TTBK2: variants seen among roughly 807,000 people sequenced by gnomAD.
TTBK2 encodes the protein tau-tubulin kinase 2.
In TTBK2, 28 loss-of-function variants were observed where a neutral mutation model predicts 110.8. The ratio of observed to expected loss-of-function variants is 0.25; its 90% CI spans 0.19 to 0.35. TTBK2 has a LOEUF of 0.35. Ranked by LOEUF, TTBK2 falls within the 10% of genes least tolerant of loss-of-function variation. TTBK2 has a pLI of 1.00. For missense variants in TTBK2, 1,369 were observed against 1,500.3 expected (o/e 0.91, Z 1.45); for synonymous variants, 532 against 527.3 (o/e 1.01, Z -0.12).
chr15:42,906,651 C>T lies in TTBK2; in HGVS notation c.-68+13787G>A, dbSNP rs1283388017. 2.0e-5 allele frequency among the ~76,000 whole-genome samples: 3 copies of T among 152,222 alleles called. No homozygotes were observed. The East Asian group carries it at 5.8e-4, about 29-fold the overall frequency. ...TTTCTTGTGTAAAATCTCAAAAGCA[C>T]AGGCAACCAAGGCAAAAATAGATAA... On this transcript the variant is annotated intron_variant, in intron 1 of 14. Coordinates refer to ENST00000267890, the MANE Select transcript of TTBK2 (RefSeq NM_173500.4).
At chr15:42,896,882 A>G (rs1895688101) in intron 1 of TTBK2, among the ~76,000 whole-genome samples, 1 of 151,842 alleles carries the variant, frequency 6.6e-6, no homozygotes, top group South Asian at 2.1e-4. Context: ...TTTCAGTTTT[A>G]GATTTTTTTT....
At chr15:42,788,244 C>A (rs1362111675) in intron 10 of TTBK2, among the ~76,000 whole-genome samples, 2 of 152,092 alleles carry the variant, frequency 1.3e-5, no homozygotes, top group Admixed American at 1.3e-4. Flanking sequence ...AGTTTTCTTG[C>A]AGTGTGATCA....
chr15:42,829,568 G>GTGCAGTGGCTGCAGT (rs1273483604), intron 5 of TTBK2, among the ~76,000 whole-genome samples: 2 of 152,176 alleles, frequency 1.3e-5, no homozygotes, highest in Non-Finnish European at 2.9e-5. Context: ...ATGCTGCCCA[G>GTGCAGTGGCTGCAGT]GCTGGAGTGC....
intron 4 of TTBK2, among the ~76,000 whole-genome samples, chr15:42,836,984 A>T (rs1306781144): frequency 6.6e-6 from 1 of 152,200 alleles, no homozygotes; most frequent in African/African-American, 2.4e-5. Flanking sequence ...ATAAATCCAG[A>T]TGAAAACTAT....
Position 42,794,833 on chromosome 15 carries a change from G to A in TTBK2, c.823-32C>T, listed in dbSNP as rs559078845. ...CACAAAGAAAAAAACTAGAGTAAGT[G>A]AACAGTAAACATAGTCACTTTATTC... On this transcript the variant is annotated intron_variant, in intron 9 of 14. Transcript: ENST00000267890. The A allele has an allele frequency of 3.8e-5, 61 of 1,612,156 alleles. No homozygotes were observed. In the South Asian group the frequency reaches 6.5e-4, roughly 17 times the overall value.
chr15:42,880,521 G>C (rs915932708), intron 1 of TTBK2, among the ~76,000 whole-genome samples: 2 of 152,068 alleles, frequency 1.3e-5, no homozygotes, highest in African/African-American at 4.8e-5. Context: ...CAAGGAGCTG[G>C]GACTACAGGC....
intron 13 of TTBK2, among the ~76,000 whole-genome samples, chr15:42,757,488 G>C (rs1042052910): frequency 1.3e-5 from 2 of 152,170 alleles, no homozygotes; most frequent in Non-Finnish European, 2.9e-5. Context: ...TCAGGATTTT[G>C]AAAGTTGTGC....
At chr15:42,915,988 G>A (rs1325553746) in intron 1 of TTBK2, among the ~76,000 whole-genome samples, 1 of 152,036 alleles carries the variant, frequency 6.6e-6, no homozygotes, top group Admixed American at 6.6e-5. Context: ...AGATCCAGGA[G>A]AAATAGGGAG....
intron 1 of TTBK2, among the ~76,000 whole-genome samples, chr15:42,885,956 T>A (rs554159850): frequency 4.9e-4 from 75 of 152,280 alleles, no homozygotes; most frequent in African/African-American, 1.7e-3. Flanking sequence ...CACTTTTGAT[T>A]TGTCTATCCT....
chr15:42,913,847 C>T (rs2030930558), intron 1 of TTBK2, among the ~76,000 whole-genome samples: 2 of 152,122 alleles, frequency 1.3e-5, no homozygotes, highest in South Asian at 2.1e-4. Context: ...AATCATTCCT[C>T]GGGTAAAATC....
At chr15:42,795,018 G>A (rs985515080) in intron 9 of TTBK2, among the ~76,000 whole-genome samples, 2 of 152,122 alleles carry the variant, frequency 1.3e-5, no homozygotes, top group African/African-American at 4.8e-5. Flanking sequence ...TTCTGTTTTC[G>A]AGGGATACAT....
intron 13 of TTBK2, among the ~76,000 whole-genome samples, chr15:42,763,157 C>CATATATATATATATATATACAT (rs1567008796): frequency 6.4e-4 from 13 of 20,472 alleles, no homozygotes; most frequent in Non-Finnish European, 9.4e-4. Context: ...TATATATATA[C>CATATATATATATATATATACAT]ATATATATAT....
intron 10 of TTBK2, among the ~76,000 whole-genome samples, chr15:42,786,381 T>A (rs1053745624): frequency 2.0e-5 from 3 of 152,212 alleles, no homozygotes; most frequent in Non-Finnish European, 2.9e-5. Context: ...TACATGGTAA[T>A]CCAAATGTTT....
At chr15:42,769,563 C>T (rs1455243186) in intron 13 of TTBK2, among the ~76,000 whole-genome samples, 2 of 152,134 alleles carry the variant, frequency 1.3e-5, no homozygotes, top group Non-Finnish European at 1.5e-5. Context: ...AGTGAGATAC[C>T]ATCTCACACC....
chr15:42,747,749 G>C (rs2061815165), intron 14 of TTBK2, among the ~76,000 whole-genome samples: 1 of 152,096 alleles, frequency 6.6e-6, no homozygotes. Flanking sequence ...AAGGACCCTA[G>C]GGCCCCTCTA....
At chr15:42,819,240 G>A (rs963693584) in intron 6 of TTBK2, among the ~76,000 whole-genome samples, 2 of 151,252 alleles carry the variant, frequency 1.3e-5, no homozygotes, top group Admixed American at 6.6e-5. Context: ...AGGCTGAGGC[G>A]GGCAGATCAC....
chr15:42,808,091 C>T (rs1434358009), intron 9 of TTBK2, among the ~76,000 whole-genome samples: 1 of 152,098 alleles, frequency 6.6e-6, no homozygotes, highest in African/African-American at 2.4e-5. Flanking sequence ...GATGTAATTT[C>T]CCAAAATAAT....
At chr15:42,816,631 AAGC>A (rs1359354434) in intron 7 of TTBK2, among the ~76,000 whole-genome samples, 2 of 152,062 alleles carry the variant, frequency 1.3e-5, no homozygotes, top group African/African-American at 4.8e-5. Flanking sequence ...CTCAACTCTC[AAGC>A]ACTTTCCACA....
At chr15:42,749,356 G>A (rs2061835583) in intron 14 of TTBK2, among the ~76,000 whole-genome samples, 1 of 152,236 alleles carries the variant, frequency 6.6e-6, no homozygotes, top group African/African-American at 2.4e-5. Flanking sequence ...GAAATCTGGA[G>A]TCTACCAAAG....
Sources: allele counts gnomAD v4.1 joint callset (sites outside exome capture counted in the v4.1 genomes callset), GRCh38; gene constraint gnomAD v4.1.1; transcripts MANE v1.5; gene names NCBI Gene and HGNC (gene_info 2026-07-23, HGNC 2026-07-21).